Variants in TNPO3 observed in about 807,000 individuals in gnomAD.
The protein encoded by TNPO3 is transportin 3.
Under a neutral mutation model 122.8 loss-of-function variants are expected in TNPO3, and 65 were observed. That is an observed-to-expected ratio of 0.53 (90% CI 0.43 to 0.65). The LOEUF is 0.65. Ranked by LOEUF, TNPO3 falls within the 30% of genes least tolerant of loss-of-function variation. The probability of loss-of-function intolerance (pLI) is 0.00; values close to 1 mark genes in which losing one functional copy is unlikely to be tolerated. For missense variants in TNPO3, 850 were observed against 1,136.7 expected (o/e 0.75, Z 3.63); for synonymous variants, 372 against 411.2 (o/e 0.90, Z 1.15).
intron 5 of TNPO3, among the ~76,000 whole-genome samples, chr7:129,003,988 A>G (rs542007182): frequency 1.9e-4 from 29 of 152,290 alleles, no homozygotes; most frequent in Non-Finnish European, 3.7e-4. Flanking sequence ...ATTACTCTTC[A>G]CACTATTTGT....
chr7:129,009,780 A>T (rs1286762279), intron 4 of TNPO3, among the ~76,000 whole-genome samples: 1 of 152,242 alleles, frequency 6.6e-6, no homozygotes, highest in African/African-American at 2.4e-5. Context: ...CCCAGTCTAA[A>T]AGCAGCTCTT....
rs779698799 is a variant in TNPO3, at chr7:128,986,953, C to T, written c.1499-33G>A. On this transcript the variant is annotated intron_variant, in intron 11 of 22. Coordinates refer to ENST00000265388, the MANE Select transcript of TNPO3 (RefSeq NM_012470.4). ...GAAAAGCCAAGCAGAGATTACATAT[C>T]TGAAACTAAAGGAAAACTTCTAGTT... The T allele has an allele frequency of 1.8e-5, 28 of 1,547,694 alleles. 2 individuals carry two copies. In the South Asian group the frequency reaches 3.2e-4, roughly 18 times the overall value.
At chr7:128,976,247 T>C (rs1251601762) in intron 16 of TNPO3, among the ~76,000 whole-genome samples, 2 of 152,234 alleles carry the variant, frequency 1.3e-5, no homozygotes, top group African/African-American at 2.4e-5. Flanking sequence ...ATCCAGTACG[T>C]AAAAGTTGCT....
At chr7:128,992,909 A>G (rs1488959688) in intron 9 of TNPO3, among the ~76,000 whole-genome samples, 1 of 152,162 alleles carries the variant, frequency 6.6e-6, no homozygotes, top group Non-Finnish European at 1.5e-5. Context: ...AGAAGATCAA[A>G]GGATTTCTCA....
chr7:129,038,912 C>A (rs932076032), intron 1 of TNPO3, among the ~76,000 whole-genome samples: 1 of 152,148 alleles, frequency 6.6e-6, no homozygotes, highest in Non-Finnish European at 1.5e-5. Context: ...ATAATCTGTA[C>A]AACAAACCCC....
At chr7:129,025,662 C>G (rs1233356538) in intron 1 of TNPO3, among the ~76,000 whole-genome samples, 1 of 150,228 alleles carries the variant, frequency 6.7e-6, no homozygotes, top group Non-Finnish European at 1.5e-5. Context: ...ATCCTCTTGC[C>G]TGGGTCTCCC....
Position 128,954,819 on chromosome 7 carries a change from AAG to A in TNPO3, c.*596_*597del, listed in dbSNP as rs1185494720. The A allele has an allele frequency of 6.5e-6, 1 of 153,742 alleles. No homozygotes were observed. The highest frequency in any genetic ancestry group is 6.5e-5 in the Admixed American group (1 of 15,452). The allele number at this position is 153,742 out of a possible 1,614,324, so 9.5% of individuals were successfully genotyped here. ...TGCATTTAAAAGGAGGGGAGAGAGAAAGAGAAGGAAGGGTAGGAGAGGAAAGA... is the reference window on the plus strand; with the variant it reads ...TGCATTTAAAAGGAGGGGAGAGAGAAAGAAGGAAGGGTAGGAGAGGAAAGA... On this transcript the variant is annotated 3_prime_UTR_variant, in exon 23 of 23. Transcript: ENST00000265388.
In TNPO3 at chr7:129,054,458, T is replaced by A. The variant is rs555548473; in HGVS notation, c.120+193A>T. Among the ~76,000 whole-genome samples the A allele has an allele frequency of 2.0e-3, 306 of 152,292 alleles. 2 individuals carry two copies. Among genetic ancestry groups the A allele is most frequent in the Non-Finnish European group, 3.6e-3 (244 of 68,026 alleles). On this transcript the variant is annotated intron_variant, in intron 1 of 22. Transcript: ENST00000265388. ...TTCTGCCGGGTGGGGAAAGGGCCAG[T>A]TCGCGACCGATCAGGTGCGACTAGT...
Position 128,991,976 on chromosome 7 carries a change from CAAA to C in TNPO3, c.1358+20_1358+22del. ...TCCTCTTGATATTTAGAGTTCCCAGCAAAAGACTTATGAGACACTCACGGATCA... is the reference window on the plus strand; with the variant it reads ...TCCTCTTGATATTTAGAGTTCCCAGCAGACTTATGAGACACTCACGGATCA... On this transcript the variant is annotated intron_variant, in intron 10 of 22. Coordinates refer to ENST00000265388, the MANE Select transcript of TNPO3 (RefSeq NM_012470.4). 6.5e-7 allele frequency: 1 copy of C among 1,530,226 alleles called. No individual in the cohort carries two copies. The allele number at this position is 1,530,226 out of a possible 1,614,324, so 94.8% of individuals were successfully genotyped here. A position where few individuals can be genotyped will look rare whatever the true frequency, so the allele number is the denominator to read the frequency against.
chr7:128,962,225 C>T (rs549762670), intron 21 of TNPO3, among the ~76,000 whole-genome samples: 5 of 151,906 alleles, frequency 3.3e-5, no homozygotes, highest in Non-Finnish European at 5.9e-5. Flanking sequence ...ATTAGCCGGG[C>T]GCGGTGGCGG....
chr7:129,016,754 CAAG>C (rs1382682879), intron 3 of TNPO3, among the ~76,000 whole-genome samples: 1 of 152,208 alleles, frequency 6.6e-6, no homozygotes, highest in East Asian at 1.9e-4. Flanking sequence ...GCAATTAATT[CAAG>C]AAGTGTGTGT....
At chr7:129,018,907 C>G (rs184709457) in intron 1 of TNPO3, among the ~76,000 whole-genome samples, 24 of 152,156 alleles carry the variant, frequency 1.6e-4, no homozygotes, top group African/African-American at 4.8e-4. Context: ...TTAGTAGAGG[C>G]GAGGTTTCAC....
At chr7:129,007,907 T>C (rs1007746272) in intron 4 of TNPO3, among the ~76,000 whole-genome samples, 1 of 151,992 alleles carries the variant, frequency 6.6e-6, no homozygotes, top group African/African-American at 2.4e-5. Context: ...TCCCAGCACT[T>C]TGAGAGGCTG....
At chr7:129,013,468 G>A (rs180778992) in intron 4 of TNPO3, among the ~76,000 whole-genome samples, 1 of 150,842 alleles carries the variant, frequency 6.6e-6, no homozygotes, top group African/African-American at 2.4e-5. Flanking sequence ...TAAAAAATGG[G>A]CAAAAGATCA....
At position 128,967,388 on chromosome 7, in the gene TNPO3, A is replaced by T. The variant is rs1798023288; in HGVS notation, c.2603T>A (p.Phe868Tyr). The T allele has an allele frequency of 1.2e-6, 2 of 1,608,548 alleles. No individual in the cohort carries two copies. The highest frequency in any genetic ancestry group is 1.7e-6 in the Non-Finnish European group (2 of 1,175,058). ...WEIMQVDRPT[F>Y]CRWLENSLKG... Reference sequence around the variant, plus strand: ...TAAGGAATTTTCTAACCATCGACAAAAAGTCTGTATAGGAAAGAGGGGTAA... The same window carrying T: ...TAAGGAATTTTCTAACCATCGACAATAAGTCTGTATAGGAAAGAGGGGTAA... The change falls in exon 21 of 23, where the codon TTT becomes TAT. Residue 868 changes from phenylalanine to tyrosine, a missense_variant. Phe to Tyr is a conservative substitution (Grantham distance 22). Transcript: ENST00000265388.
intron 20 of TNPO3, among the ~76,000 whole-genome samples, chr7:128,968,638 G>A (rs1331973523): frequency 6.6e-6 from 1 of 152,142 alleles, no homozygotes; most frequent in African/African-American, 2.4e-5. Flanking sequence ...TGCTCATGAA[G>A]TACTAAGCAT....
chr7:129,035,551 G>C (rs1020882732), intron 1 of TNPO3, among the ~76,000 whole-genome samples: 1 of 152,124 alleles, frequency 6.6e-6, no homozygotes, highest in Non-Finnish European at 1.5e-5. Context: ...AGGAAGTCAA[G>C]GCCGCAGTGA....
intron 1 of TNPO3, chr7:129,029,016 A>G: frequency 2.5e-6 from 1 of 405,462 alleles, no homozygotes; most frequent in South Asian, 2.0e-5. Context: ...GATGCCTTCT[A>G]TGTCATGGAC....
At chr7:129,016,349 G>A (rs893646669) in intron 3 of TNPO3, among the ~76,000 whole-genome samples, 2 of 152,074 alleles carry the variant, frequency 1.3e-5, no homozygotes, top group Admixed American at 6.5e-5. Flanking sequence ...AGCCAAGATC[G>A]CACCGTTGAA....
Sources: allele counts gnomAD v4.1 joint callset (sites outside exome capture counted in the v4.1 genomes callset), GRCh38; gene constraint gnomAD v4.1.1; transcripts MANE v1.5; gene names NCBI Gene and HGNC (gene_info 2026-07-23, HGNC 2026-07-21).